ARHGAP25: variants seen among roughly 807,000 people sequenced by gnomAD.
ARHGAP25 encodes the protein rho GTPase-activating protein 25.
ARHGAP25 carries 34 observed loss-of-function variants against 71.0 expected under a neutral mutation model. That is an observed-to-expected ratio of 0.48 (90% CI 0.36 to 0.64). The LOEUF is 0.64. Ranked by LOEUF, ARHGAP25 falls within the 30% of genes least tolerant of loss-of-function variation. The pLI, the probability that ARHGAP25 is intolerant of heterozygous loss-of-function variation, is 0.00. For missense variants in ARHGAP25, 706 were observed against 805.1 expected, an observed-to-expected ratio of 0.88 and a Z score of 1.49; for synonymous variants, 282 against 296.5, an observed-to-expected ratio of 0.95 and a Z score of 0.50.
At chr2:68,729,292 G>A (rs991744651) in intron 2 of ARHGAP25, among the ~76,000 whole-genome samples, 2 of 152,152 alleles carry the variant, frequency 1.3e-5, no homozygotes, top group Non-Finnish European at 2.9e-5. Flanking sequence ...AAGCAGTCAG[G>A]TGAAGAACAA....
At chr2:68,805,647 C>T (rs946381994) in intron 4 of ARHGAP25, among the ~76,000 whole-genome samples, 6 of 151,968 alleles carry the variant, frequency 3.9e-5, no homozygotes, top group Admixed American at 2.6e-4. Context: ...GAGACTGTAG[C>T]GGTTACAGGT....
chr2:68,767,035 G>C lies in ARHGAP25; in HGVS notation c.62-8186G>C, dbSNP rs114816519. On this transcript the variant is annotated intron_variant, in intron 1 of 10. Coordinates refer to ENST00000409202, the MANE Select transcript of ARHGAP25 (RefSeq NM_001007231.3). This position sits in a 1 kb window ranked among gnomAD's most constrained non-coding sequence, Gnocchi z 4.6. ...AATCTGCCCAATTCCGGAGTATTGAGGCAGGCATTTAGGGAACAACTTTTA... is the reference window on the plus strand; with the variant it reads ...AATCTGCCCAATTCCGGAGTATTGACGCAGGCATTTAGGGAACAACTTTTA... 2.0e-3 allele frequency among the ~76,000 whole-genome samples: 305 copies of C among 152,280 alleles called. 2 individuals are homozygous for C. The highest frequency in any genetic ancestry group is 6.7e-3 in the African/African-American group (277 of 41,548).
At chr2:68,797,741 C>T (rs1172286590) in intron 4 of ARHGAP25, among the ~76,000 whole-genome samples, 1 of 152,192 alleles carries the variant, frequency 6.6e-6, no homozygotes, top group Admixed American at 6.5e-5. Context: ...TAGGACATTC[C>T]CTGGAGCAGT....
chr2:68,772,492 G>T (rs185209081), intron 1 of ARHGAP25, among the ~76,000 whole-genome samples: 3 of 152,258 alleles, frequency 2.0e-5, no homozygotes, highest in African/African-American at 4.8e-5. Flanking sequence ...CTACTGAAGT[G>T]GGGGAGAATG....
chr2:68,754,712 A>T (rs1318371569), intron 1 of ARHGAP25, among the ~76,000 whole-genome samples: 1 of 152,198 alleles, frequency 6.6e-6, no homozygotes, highest in African/African-American at 2.4e-5. Flanking sequence ...CATGTATAGA[A>T]ATTCTGGCTG....
At chr2:68,782,538 G>A (rs1678416107) in intron 3 of ARHGAP25, among the ~76,000 whole-genome samples, 2 of 152,164 alleles carry the variant, frequency 1.3e-5, no homozygotes, top group African/African-American at 4.8e-5. Flanking sequence ...AGAAGTAGGT[G>A]AGCATTTTGT....
intron 1 of ARHGAP25, among the ~76,000 whole-genome samples, chr2:68,738,412 C>T (rs200610966): frequency 1.3e-5 from 2 of 152,098 alleles, no homozygotes; most frequent in East Asian, 3.9e-4. Context: ...AACTATATAG[C>T]CCATGGTGAA....
intron 1 of ARHGAP25, among the ~76,000 whole-genome samples, chr2:68,762,479 T>TTTCATC (rs1429917309): frequency 6.6e-6 from 1 of 152,156 alleles, no homozygotes; most frequent in Non-Finnish European, 1.5e-5. Flanking sequence ...ACAACTCATT[T>TTTCATC]TTCATCTTCA....
At chr2:68,781,364 T>G (rs1302440219) in intron 2 of ARHGAP25, among the ~76,000 whole-genome samples, 1 of 151,996 alleles carries the variant, frequency 6.6e-6, no homozygotes, top group Non-Finnish European at 1.5e-5. Flanking sequence ...CACTCCAGCC[T>G]GGGCAACAGA....
chr2:68,802,474 A>G (rs1680049895), intron 4 of ARHGAP25, among the ~76,000 whole-genome samples: 1 of 151,706 alleles, frequency 6.6e-6, no homozygotes, highest in South Asian at 2.1e-4. Context: ...GTTGCGGATA[A>G]TTCTAATGCT....
chr2:68,748,283 A>T (rs946998495), intron 1 of ARHGAP25, among the ~76,000 whole-genome samples: 2 of 152,206 alleles, frequency 1.3e-5, no homozygotes, highest in Middle Eastern at 6.8e-3. Flanking sequence ...CCTCCACTCC[A>T]TCCAGTTTTA....
intron 1 of ARHGAP25, chr2:68,774,749 G>T: frequency 2.0e-6 from 2 of 1,015,570 alleles, no homozygotes; most frequent in Non-Finnish European, 2.4e-6. Flanking sequence ...GGCCGCTGTG[G>T]AAGAGTGCCC....
intron 5 of ARHGAP25, among the ~76,000 whole-genome samples, chr2:68,808,739 G>T (rs915641462): frequency 6.6e-6 from 1 of 152,124 alleles, no homozygotes; most frequent in Non-Finnish European, 1.5e-5. Context: ...AGTTAACCTT[G>T]GCCTGAAGAA....
rs1230469497 is a variant in ARHGAP25, at chr2:68,735,279, C to T, written c.61+19C>T. The T allele has an allele frequency of 3.1e-6, 5 of 1,612,474 alleles. No homozygotes were observed. The highest frequency in any genetic ancestry group is 1.7e-5 in the Admixed American group (1 of 60,022). On this transcript the variant is annotated intron_variant, in intron 1 of 10. Transcript: ENST00000409202. The stretch of plus-strand genomic sequence containing the variant: ...AAAATAGGTATGGTTGGTGTCTTTT[C>T]GTTGCCTCTGTGATTCTTACGTATA...
intron 2 of ARHGAP25, among the ~76,000 whole-genome samples, chr2:68,716,065 G>C (rs1044991909): frequency 2.6e-5 from 4 of 152,142 alleles, no homozygotes; most frequent in African/African-American, 4.8e-5. Context: ...TGTTCCCTCT[G>C]CTAATGTTAC....
chr2:68,821,813 G>C (rs1365895895), intron 9 of ARHGAP25, among the ~76,000 whole-genome samples: 1 of 151,328 alleles, frequency 6.6e-6, no homozygotes, highest in East Asian at 1.9e-4. Flanking sequence ...TAATTACATT[G>C]GTTGTTGATC....
At position 68,767,563 on chromosome 2, in the gene ARHGAP25, T is replaced by C. The variant is rs965560171; in HGVS notation, c.62-7658T>C. On this transcript the variant is annotated intron_variant, in intron 1 of 10. Coordinates refer to ENST00000409202, the MANE Select transcript of ARHGAP25 (RefSeq NM_001007231.3). The surrounding 1 kb of genome is among the most constrained non-coding windows in gnomAD (Gnocchi z 4.6). ...CAGTCGGCTCCTTCCTCAGCTGTGG[T>C]GTGGGCCTGACTGCCGGCCCACGGT... 1.3e-5 allele frequency among the ~76,000 whole-genome samples: 2 copies of C among 152,160 alleles called. No homozygotes were observed. The highest frequency in any genetic ancestry group is 2.9e-5 in the Non-Finnish European group (2 of 68,030).
At chr2:68,718,147 A>T (rs1418486688) in intron 2 of ARHGAP25, among the ~76,000 whole-genome samples, 1 of 79,890 alleles carries the variant, frequency 1.3e-5, no homozygotes, top group Admixed American at 1.3e-4. Flanking sequence ...CAGATTTGTT[A>T]AAAAAAAAAA....
intron 1 of ARHGAP25, among the ~76,000 whole-genome samples, chr2:68,742,499 T>C (rs1045943864): frequency 6.6e-6 from 1 of 152,200 alleles, no homozygotes; most frequent in African/African-American, 2.4e-5. Flanking sequence ...AACTGTAAAA[T>C]GAGTGCAATC....
Sources: allele counts gnomAD v4.1 joint callset (sites outside exome capture counted in the v4.1 genomes callset), GRCh38; gene constraint gnomAD v4.1.1; non-coding constraint Gnocchi (gnomAD v3.1); transcripts MANE v1.5; gene names NCBI Gene and HGNC (gene_info 2026-07-23, HGNC 2026-07-21).